MTF2: variants seen among roughly 807,000 people sequenced by gnomAD.
MTF2 encodes metal-response element-binding transcription factor 2.
A neutral mutation model predicts 79.5 loss-of-function variants in MTF2; 11 were observed. That is an observed-to-expected ratio of 0.14 (90% CI 0.09 to 0.23). The LOEUF (loss-of-function observed/expected upper bound fraction) is 0.23. Ranked by LOEUF, MTF2 falls within the 10% of genes least tolerant of loss-of-function variation. The pLI is 1.00. For synonymous variants in MTF2, 208 were observed against 232.8 expected, an observed-to-expected ratio of 0.89 and a Z score of 0.97; for missense variants, 486 against 711.2, an observed-to-expected ratio of 0.68 and a Z score of 3.60.
Position 93,136,884 on chromosome 1 carries a change from C to T in MTF2, c.1639C>T (p.His547Tyr). The T allele has an allele frequency of 6.2e-7, 1 of 1,614,162 alleles. No individual in the cohort carries two copies. The highest frequency in any genetic ancestry group is 8.5e-7 in the Non-Finnish European group (1 of 1,180,018). ...NLADQELQLN[H>Y]LKNSITSYFG... ...AGCAGATCAGGAGTTACAACTCAATCATCTAAAGAACTCCATTACCAGTTA... is the reference window on the plus strand; with the variant it reads ...AGCAGATCAGGAGTTACAACTCAATTATCTAAAGAACTCCATTACCAGTTA... Residue 547 changes from histidine (H) to tyrosine (Y), a missense_variant, in exon 15 of 15, where the codon CAT (histidine) becomes TAT (tyrosine). Around this residue, in one of 4 missense-constraint regions of MTF2, gnomAD observed 209 missense variants for 206.5 expected, o/e 1.01. Coordinates refer to ENST00000370298, the MANE Select transcript of MTF2 (RefSeq NM_007358.4).
chr1:93,089,509 G>C (rs940453082), intron 1 of MTF2, among the ~76,000 whole-genome samples: 1 of 152,052 alleles, frequency 6.6e-6, no homozygotes, highest in Non-Finnish European at 1.5e-5. Flanking sequence ...TGTTTACATG[G>C]AGTTATTAGA....
At chr1:93,100,204 AGTG>A (rs1481125457) in intron 1 of MTF2, among the ~76,000 whole-genome samples, 2 of 152,222 alleles carry the variant, frequency 1.3e-5, no homozygotes, top group South Asian at 2.1e-4. Flanking sequence ...GAATATTAGA[AGTG>A]GTGGAGTGAG....
chr1:93,110,162 A>T (rs1655970429), intron 1 of MTF2, 68 bp from the exon 2 acceptor site: 4 of 1,410,896 alleles, frequency 2.8e-6, no homozygotes, highest in Admixed American at 2.1e-5. Flanking sequence ...TAACATATAA[A>T]ATATCCCACT....
chr1:93,083,217 C>G (rs952894026), intron 1 of MTF2, among the ~76,000 whole-genome samples: 2 of 152,146 alleles, frequency 1.3e-5, no homozygotes, highest in African/African-American at 2.4e-5. Context: ...AACCAGAGAA[C>G]TCAGTATCAT....
chr1:93,106,246 T>C (rs191044133), intron 1 of MTF2, among the ~76,000 whole-genome samples: 21 of 152,290 alleles, frequency 1.4e-4, no homozygotes, highest in Admixed American at 1.2e-3. Context: ...GCAGGAGTAG[T>C]ACAGTGGAGA....
At chr1:93,100,004 A>G (rs1021596180) in intron 1 of MTF2, among the ~76,000 whole-genome samples, 3 of 152,232 alleles carry the variant, frequency 2.0e-5, no homozygotes, top group African/African-American at 7.2e-5. Context: ...AGATTTGTAG[A>G]GGATGAGAGG....
At position 93,101,641 on chromosome 1, in the gene MTF2, A is replaced by G. The variant is rs1655551561; in HGVS notation, c.6-8589A>G. Reference sequence around the variant, plus strand: ...TACCCAGGCTGGAATGCAGTGGTGCAGTCACAGCTCACTGCAGCCTCGACC... The same window carrying G: ...TACCCAGGCTGGAATGCAGTGGTGCGGTCACAGCTCACTGCAGCCTCGACC... On this transcript the variant is annotated intron_variant, in intron 1 of 14. Coordinates refer to ENST00000370298, the MANE Select transcript of MTF2 (RefSeq NM_007358.4). Among the ~76,000 whole-genome samples, 3 of 121,936 alleles carry G rather than the reference A, an allele frequency of 2.5e-5. No individual in the cohort carries two copies. In the South Asian group the frequency reaches 8.3e-4, roughly 34 times the overall value. The allele number at this position is 121,936 out of a possible 152,430, so 80.0% of individuals were successfully genotyped here.
chr1:93,123,210 CTTTTTTTTTTTT>C (rs749700655), intron 9 of MTF2, among the ~76,000 whole-genome samples: 28 of 94,216 alleles, frequency 3.0e-4, no homozygotes, highest in Non-Finnish European at 4.6e-4. Flanking sequence ...TCAGCTCTTT[CTTTTTTTTTTTT>C]TTTTTTTTTA....
At chr1:93,104,882 C>T (rs6688513) in intron 1 of MTF2, among the ~76,000 whole-genome samples, 12,403 of 151,740 alleles carry the variant, frequency 0.082, 1,648 homozygotes, top group African/African-American at 0.28. Context: ...CTCGGCCGGG[C>T]GCGGTGGCTC....
intron 3 of MTF2, among the ~76,000 whole-genome samples, chr1:93,114,286 G>T (rs1256828642): frequency 6.6e-6 from 1 of 152,136 alleles, no homozygotes; most frequent in Non-Finnish European, 1.5e-5. Context: ...TGGTATTAGT[G>T]GTGTAGGATA....
chr1:93,126,383 C>G (rs1322769719), intron 9 of MTF2, among the ~76,000 whole-genome samples: 1 of 151,976 alleles, frequency 6.6e-6, no homozygotes, highest in Non-Finnish European at 1.5e-5. Flanking sequence ...GATTTGTTTT[C>G]TCTCTCACTT....
At chr1:93,109,081 A>G (rs1655923545) in intron 1 of MTF2, among the ~76,000 whole-genome samples, 1 of 152,120 alleles carries the variant, frequency 6.6e-6, no homozygotes, top group Non-Finnish European at 1.5e-5. Context: ...TTCCCTGCTC[A>G]TTTTATTTTT....
intron 10 of MTF2, among the ~76,000 whole-genome samples, chr1:93,128,526 A>G (rs1656791059): frequency 6.7e-6 from 1 of 148,160 alleles, no homozygotes; most frequent in African/African-American, 2.5e-5. Context: ...ACTGCACTCT[A>G]GCCTGGGTGA....
chr1:93,098,185 A>G (rs1444944334), intron 1 of MTF2, among the ~76,000 whole-genome samples: 1 of 152,094 alleles, frequency 6.6e-6, no homozygotes, highest in Non-Finnish European at 1.5e-5. Context: ...GCCTTTACAT[A>G]TGTTCCCTAG....
chr1:93,095,738 C>T (rs1232699872), intron 1 of MTF2, among the ~76,000 whole-genome samples: 2 of 150,896 alleles, frequency 1.3e-5, no homozygotes, highest in African/African-American at 4.9e-5. Context: ...TCAGTGCAAC[C>T]TCCACCTCCC....
At position 93,111,889 on chromosome 1, in the gene MTF2, C is replaced by G. The variant is rs530965746; in HGVS notation, c.286+1263C>G. On this transcript the variant is annotated intron_variant, in intron 3 of 14. Coordinates refer to ENST00000370298, the MANE Select transcript of MTF2 (RefSeq NM_007358.4). ...GAAACATGTTATGCTGCTTTTTACT[C>G]CCCTTCCATTAGCTATGTGTTTCTT... Among the ~76,000 whole-genome samples, 3 of 152,130 alleles carry G rather than the reference C, an allele frequency of 2.0e-5. No individual in the cohort carries two copies. The East Asian group carries it at 5.8e-4, about 29-fold the overall frequency.
At chr1:93,087,543 G>A (rs1654898234) in intron 1 of MTF2, among the ~76,000 whole-genome samples, 2 of 148,666 alleles carry the variant, frequency 1.3e-5, no homozygotes, top group Non-Finnish European at 3.0e-5. Flanking sequence ...TTGCATGGCA[G>A]CCTGGGCAAC....
chr1:93,128,409 T>C (rs1248214957), intron 10 of MTF2, among the ~76,000 whole-genome samples: 1 of 151,478 alleles, frequency 6.6e-6, no homozygotes, highest in Non-Finnish European at 1.5e-5. Context: ...AATACAAAAA[T>C]AGCCAGGCAT....
intron 9 of MTF2, 52 bp downstream of exon 9, chr1:93,120,724 T>C (rs367796729): frequency 1.3e-6 from 2 of 1,571,090 alleles, no homozygotes; most frequent in Non-Finnish European, 1.7e-6. Context: ...TTTTTTGTTT[T>C]GTTTTGTTTT....
Sources: gnomAD v4.1 joint callset for allele counts (sites outside exome capture counted in the v4.1 genomes callset) on GRCh38, gnomAD v4.1.1 for gene constraint, gnomAD v4.1.1 regional missense constraint, MANE v1.5 for transcripts, NCBI Gene and HGNC (gene_info 2026-07-23, HGNC 2026-07-21) for gene names.